CNTN3: variants seen among roughly 807,000 people sequenced by gnomAD.
The protein encoded by CNTN3 is contactin 3, also known as contactin-3.
Under a neutral mutation model 119.1 loss-of-function variants are expected in CNTN3, and 60 were observed. The ratio of observed to expected loss-of-function variants is 0.50; its 90% CI spans 0.41 to 0.62. The LOEUF is 0.62. Ranked by LOEUF, CNTN3 falls within the 20% of genes least tolerant of loss-of-function variation. The pLI, the probability that CNTN3 is intolerant of heterozygous loss-of-function variation, is 0.00. For missense variants in CNTN3, 1,101 were observed against 1,242.4 expected, an observed-to-expected ratio of 0.89 and a Z score of 1.71; for synonymous variants, 450 against 438.7, an observed-to-expected ratio of 1.03 and a Z score of -0.32.
At chr3:74,298,677 T>G (rs770232000) in intron 17 of CNTN3, among the ~76,000 whole-genome samples, 1 of 149,148 alleles carries the variant, frequency 6.7e-6, no homozygotes, top group Admixed American at 6.7e-5. Context: ...CAAGTGGCCA[T>G]CACGAGGTCA....
chr3:74,531,561 C>A (rs1407002251), intron 1 of CNTN3, among the ~76,000 whole-genome samples: 2 of 151,898 alleles, frequency 1.3e-5, no homozygotes, highest in African/African-American at 4.8e-5. Context: ...AAAATCTAGA[C>A]CAGATAGGTG....
intron 13 of CNTN3, among the ~76,000 whole-genome samples, chr3:74,312,854 T>C (rs981110134): frequency 6.6e-6 from 1 of 152,164 alleles, no homozygotes; most frequent in Non-Finnish European, 1.5e-5. Context: ...GAGTAAGATA[T>C]AGCAGGAATG....
intron 13 of CNTN3, among the ~76,000 whole-genome samples, chr3:74,322,952 A>T (rs964366640): frequency 2.6e-5 from 4 of 152,216 alleles, no homozygotes; most frequent in Admixed American, 2.6e-4. Context: ...AAAACTATTG[A>T]GACAATAAAA....
intron 1 of CNTN3, among the ~76,000 whole-genome samples, chr3:74,546,732 T>C (rs761372220): frequency 2.6e-5 from 4 of 152,136 alleles, no homozygotes; most frequent in Non-Finnish European, 5.9e-5. Flanking sequence ...TTGGACTGGC[T>C]TCCTTGCTCC....
At chr3:74,464,668 G>C (rs1702430565) in intron 4 of CNTN3, among the ~76,000 whole-genome samples, 1 of 152,140 alleles carries the variant, frequency 6.6e-6, no homozygotes, top group Non-Finnish European at 1.5e-5. Flanking sequence ...TTATGAGTTT[G>C]TGGCATAATA....
intron 5 of CNTN3, among the ~76,000 whole-genome samples, chr3:74,421,071 C>T (rs1388646711): frequency 6.6e-6 from 1 of 152,218 alleles, no homozygotes; most frequent in Non-Finnish European, 1.5e-5. Flanking sequence ...CAAAAAGAAT[C>T]TCACTAGCAG....
At chr3:74,413,258 G>C (rs1701467700) in intron 5 of CNTN3, among the ~76,000 whole-genome samples, 2 of 152,168 alleles carry the variant, frequency 1.3e-5, no homozygotes, top group Non-Finnish European at 2.9e-5. Flanking sequence ...ACTGCTTAGA[G>C]GGTACATGGA....
At chr3:74,506,555 T>C (rs1306637024) in intron 2 of CNTN3, among the ~76,000 whole-genome samples, 1 of 152,114 alleles carries the variant, frequency 6.6e-6, no homozygotes, top group African/African-American at 2.4e-5. Context: ...AATGTGAGCT[T>C]TAATGTTTTT....
At chr3:74,580,011 C>A (rs1023644617) in intron 1 of CNTN3, among the ~76,000 whole-genome samples, 4 of 151,950 alleles carry the variant, frequency 2.6e-5, no homozygotes. Flanking sequence ...GGGAAAGGAA[C>A]AGAGAGGGAG....
chr3:74,479,108 A>G (rs187600583), intron 4 of CNTN3, among the ~76,000 whole-genome samples: 9 of 152,186 alleles, frequency 5.9e-5, no homozygotes, highest in African/African-American at 1.7e-4. Context: ...GTTGAGAGAA[A>G]CAATCTATTC....
chr3:74,378,476 C>T (rs902682532), intron 5 of CNTN3, among the ~76,000 whole-genome samples: 5 of 152,168 alleles, frequency 3.3e-5, no homozygotes, highest in South Asian at 2.1e-4. Flanking sequence ...CCAAGTCTGA[C>T]TTGCGAGGGT....
At chr3:74,306,536 C>T (rs1702566879) in intron 13 of CNTN3, among the ~76,000 whole-genome samples, 1 of 152,138 alleles carries the variant, frequency 6.6e-6, no homozygotes, top group African/African-American at 2.4e-5. Context: ...TGAGAAGGTG[C>T]AAATTCATAG....
At chr3:74,589,368 A>C (rs1458883342) in intron 1 of CNTN3, among the ~76,000 whole-genome samples, 25 of 149,138 alleles carry the variant, frequency 1.7e-4, no homozygotes, top group African/African-American at 6.1e-4. Flanking sequence ...GCTCATCATC[A>C]CTGGCCATCA....
intron 11 of CNTN3, among the ~76,000 whole-genome samples, chr3:74,344,277 C>T (rs184585949): frequency 8.8e-4 from 134 of 152,200 alleles, no homozygotes; most frequent in Non-Finnish European, 6.9e-4. Context: ...TAACACCCTG[C>T]CCTGCTGTTG....
chr3:74,488,982 C>T (rs1055960855), intron 3 of CNTN3, among the ~76,000 whole-genome samples: 1 of 152,082 alleles, frequency 6.6e-6, no homozygotes, highest in East Asian at 1.9e-4. Flanking sequence ...TTAAGTCTAC[C>T]CTTAAGGTTT....
At chr3:74,285,186 G>C in intron 20 of CNTN3, 119 bp downstream of exon 20, 1 of 1,119,184 alleles carries the variant, frequency 8.9e-7, no homozygotes, top group Non-Finnish European at 1.3e-6. Context: ...TTTGGAGTTA[G>C]GTTTATATAA....
At chr3:74,528,658 A>G (rs1703653906) in intron 1 of CNTN3, among the ~76,000 whole-genome samples, 1 of 151,828 alleles carries the variant, frequency 6.6e-6, no homozygotes, top group Non-Finnish European at 1.5e-5. Flanking sequence ...CTTACAACCT[A>G]TTTTCCCCAC....
intron 13 of CNTN3, among the ~76,000 whole-genome samples, chr3:74,321,813 A>G (rs80307893): frequency 0.016 from 2,369 of 152,312 alleles, 19 homozygotes; most frequent in Middle Eastern, 0.02. Flanking sequence ...AATTCCTTGA[A>G]AGATATAATC....
At chr3:74,497,508 G>C (rs1703086340) in intron 3 of CNTN3, among the ~76,000 whole-genome samples, 1 of 151,802 alleles carries the variant, frequency 6.6e-6, no homozygotes, top group African/African-American at 2.4e-5. Context: ...AATGAAACGA[G>C]CTTCTCTTGT....
Sources: gnomAD v4.1 joint callset for allele counts (sites outside exome capture counted in the v4.1 genomes callset) on GRCh38, gnomAD v4.1.1 for gene constraint, MANE v1.5 for transcripts, NCBI Gene and HGNC (gene_info 2026-07-23, HGNC 2026-07-21) for gene names.